Variants in NEDD9 observed in about 807,000 individuals in gnomAD.
The protein encoded by NEDD9 is neural precursor cell expressed, developmentally down-regulated 9.
A neutral mutation model predicts 76.6 loss-of-function variants in NEDD9; 26 were observed. The ratio of observed to expected loss-of-function variants is 0.34; its 90% CI spans 0.25 to 0.47. The LOEUF (loss-of-function observed/expected upper bound fraction) is 0.47. Ranked by LOEUF, NEDD9 falls within the 20% of genes least tolerant of loss-of-function variation. NEDD9 has a pLI of 1.00. For missense variants in NEDD9, 937 were observed against 1,058.5 expected, an observed-to-expected ratio of 0.89 and a Z score of 1.59; for synonymous variants, 392 against 414.2, an observed-to-expected ratio of 0.95 and a Z score of 0.65.
At chr6:11,348,354 C>A (rs1762402621) in intron 1 of NEDD9, among the ~76,000 whole-genome samples, 1 of 152,292 alleles carries the variant, frequency 6.6e-6, no homozygotes, top group South Asian at 2.1e-4. Flanking sequence ...GGACATACTG[C>A]CCAAAGCAAT....
At chr6:11,353,756 A>G (rs1277468632) in intron 1 of NEDD9, among the ~76,000 whole-genome samples, 2 of 152,244 alleles carry the variant, frequency 1.3e-5, no homozygotes, top group Non-Finnish European at 2.9e-5. Flanking sequence ...CTCAAATTAG[A>G]GATGTATTAC....
chr6:11,319,148 C>T (rs1285041799), intron 2 of NEDD9, among the ~76,000 whole-genome samples: 1 of 152,226 alleles, frequency 6.6e-6, no homozygotes, highest in Non-Finnish European at 1.5e-5. Context: ...AAAAGATTCC[C>T]CTGGCTCTTC....
At position 11,190,550 on chromosome 6, in the gene NEDD9, T is replaced by C. The variant is rs1352013348; in HGVS notation, c.1319A>G (p.Tyr440Cys). 1 of 1,614,242 alleles carries C rather than the reference T, an allele frequency of 6.2e-7. No individual in the cohort carries two copies. The highest frequency in any genetic ancestry group is 2.2e-5 in the East Asian group (1 of 44,880). The change falls in exon 5 of 7, where the codon TAT becomes TGT. Residue 440 changes from tyrosine (Y) to cysteine (C), a missense_variant. By Grantham distance (194) the Tyr-to-Cys change is radical (BLOSUM62 -2). Coordinates refer to ENST00000379446, the MANE Select transcript of NEDD9 (RefSeq NM_006403.4). This position sits in a 1 kb window ranked among gnomAD's most constrained non-coding sequence, Gnocchi z 5.8. ...TATTTCATTGATGTGTCTTTCCATA[T>C]ATCCGTAACACCGCCAGTCGGTAGT... The part of the protein sequence containing the change: ...LVTTDWRCYG[Y>C]MERHINEIRT...
chr6:11,243,416 C>T (rs748899843), intron 3 of NEDD9, among the ~76,000 whole-genome samples: 2 of 152,204 alleles, frequency 1.3e-5, no homozygotes, highest in Non-Finnish European at 2.9e-5. Context: ...AGCTTCTAAG[C>T]ACTAGCTCTC....
At chr6:11,194,466 C>T (rs1359785373) in intron 2 of NEDD9, among the ~76,000 whole-genome samples, 1 of 152,206 alleles carries the variant, frequency 6.6e-6, no homozygotes, top group East Asian at 1.9e-4. Context: ...TATGCCTCTT[C>T]ATTGGACATT....
chr6:11,352,894 A>C (rs1328150101), intron 1 of NEDD9: 1 of 152,258 alleles, frequency 6.6e-6, no homozygotes, highest in East Asian at 1.9e-4. Flanking sequence ...TTAAAAAAGA[A>C]TAATAGCAAC....
At chr6:11,202,263 C>G (rs543414590) in intron 2 of NEDD9, among the ~76,000 whole-genome samples, 17 of 152,306 alleles carry the variant, frequency 1.1e-4, no homozygotes, top group South Asian at 6.2e-4. Context: ...TTTATATTAT[C>G]TCTCTTTGCG....
At chr6:11,365,622 T>C (rs553860658) in intron 1 of NEDD9, among the ~76,000 whole-genome samples, 1 of 152,144 alleles carries the variant, frequency 6.6e-6, no homozygotes, top group East Asian at 1.9e-4. Flanking sequence ...GAGGTAAAAC[T>C]GGAAGGAGTC....
intron 3 of NEDD9, among the ~76,000 whole-genome samples, chr6:11,243,699 C>T (rs1444483252): frequency 1.3e-5 from 2 of 152,204 alleles, no homozygotes; most frequent in African/African-American, 4.8e-5. Flanking sequence ...GTCTTCTTTT[C>T]AGGAGCCTTT....
In NEDD9 at chr6:11,273,791, C is replaced by A. The variant is rs1373539470; in HGVS notation, c.12+32201G>T. ...TTGTTCCCTGGAAAATTCCTGTGTT[C>A]ACCCGACAGCAAGTGATTCAGATGT... On this transcript the variant is annotated intron_variant, in intron 3 of 3. Transcript: ENST00000397378. 3.3e-5 allele frequency among the ~76,000 whole-genome samples: 5 copies of A among 152,264 alleles called. No individual in the cohort carries two copies. The East Asian group carries it at 5.8e-4, about 18-fold the overall frequency.
intron 3 of NEDD9, among the ~76,000 whole-genome samples, chr6:11,253,208 T>C (rs1561806967): frequency 6.6e-6 from 1 of 152,190 alleles, no homozygotes; most frequent in Non-Finnish European, 1.5e-5. Flanking sequence ...TGCGCAGTCG[T>C]TGAACTTACA....
At chr6:11,287,604 T>C (rs1401355641) in intron 3 of NEDD9, among the ~76,000 whole-genome samples, 1 of 152,162 alleles carries the variant, frequency 6.6e-6, no homozygotes. Flanking sequence ...CTTGAGTTTT[T>C]AGGCAATATT....
chr6:11,330,805 T>C (rs778244781), intron 2 of NEDD9, among the ~76,000 whole-genome samples: 15 of 152,344 alleles, frequency 9.8e-5, no homozygotes, highest in Non-Finnish European at 1.5e-4. Context: ...AGTTATAAAA[T>C]TCTGGATAAG....
At chr6:11,372,507 G>A (rs1388829864) in intron 1 of NEDD9, among the ~76,000 whole-genome samples, 1 of 152,110 alleles carries the variant, frequency 6.6e-6, no homozygotes, top group Non-Finnish European at 1.5e-5. Flanking sequence ...TTTCTTTTGG[G>A]TATATGTGAG....
At chr6:11,382,208 G>A (rs1368177732) in exon 1 of NEDD9, 1 of 152,288 alleles carries the variant, frequency 6.6e-6, no homozygotes, top group Non-Finnish European at 1.5e-5. Context: ...CTGGGCAGGC[G>A]GGCGGGAGGT....
intron 1 of NEDD9, among the ~76,000 whole-genome samples, chr6:11,375,913 C>T (rs527239799): frequency 1.8e-4 from 27 of 152,292 alleles, no homozygotes; most frequent in Admixed American, 6.5e-4. Context: ...CAAGCTCCGC[C>T]TCCCGGGTTC....
At chr6:11,317,489 C>T (rs1047492616) in intron 2 of NEDD9, among the ~76,000 whole-genome samples, 1 of 151,570 alleles carries the variant, frequency 6.6e-6, no homozygotes, top group Non-Finnish European at 1.5e-5. Context: ...TCCTAGAGGG[C>T]CGCACAGAGA....
chr6:11,249,288 A>C, intron 3 of NEDD9: 1 of 418,452 alleles, frequency 2.4e-6, no homozygotes, highest in South Asian at 1.7e-5. Flanking sequence ...CCCTAGATGA[A>C]TGAGTTTAAA....
At chr6:11,320,587 C>T (rs554829660) in intron 2 of NEDD9, among the ~76,000 whole-genome samples, 4 of 152,294 alleles carry the variant, frequency 2.6e-5, no homozygotes, top group Admixed American at 2.6e-4. Flanking sequence ...AGACATAGTG[C>T]AGGGCTACGT....
Sources: allele counts gnomAD v4.1 joint callset (sites outside exome capture counted in the v4.1 genomes callset), GRCh38; gene constraint gnomAD v4.1.1; non-coding constraint Gnocchi (gnomAD v3.1); transcripts MANE v1.5; gene names NCBI Gene and HGNC (gene_info 2026-07-23, HGNC 2026-07-21).